Variants in ME1 observed in about 807,000 individuals in gnomAD.
ME1 encodes NADP-dependent malic enzyme.
ME1 carries 74 observed loss-of-function variants against 66.4 expected under a neutral mutation model. The observed-to-expected ratio is 1.11, with a 90% confidence interval of 0.92 to 1.35. The LOEUF is 1.35. Ranked by LOEUF, ME1 falls within the 40% of genes most tolerant of loss-of-function variation. The pLI is 0.00. For missense variants in ME1, 750 were observed against 694.1 expected, an observed-to-expected ratio of 1.08 and a Z score of -0.90; for synonymous variants, 251 against 235.6, an observed-to-expected ratio of 1.07 and a Z score of -0.60.
At chr6:83,279,005 C>G (rs527737092) in intron 6 of ME1, among the ~76,000 whole-genome samples, 7 of 152,250 alleles carry the variant, frequency 4.6e-5, no homozygotes, top group Non-Finnish European at 8.8e-5. Context: ...CCCTTCCCCC[C>G]CAACCCTATC....
intron 3 of ME1, among the ~76,000 whole-genome samples, chr6:83,376,221 C>A (rs1209852615): frequency 6.6e-6 from 1 of 151,890 alleles, no homozygotes; most frequent in Non-Finnish European, 1.5e-5. Flanking sequence ...AAAAAGAGGC[C>A]AGGGCTGAGC....
intron 6 of ME1, among the ~76,000 whole-genome samples, chr6:83,294,983 T>C (rs1767571609): frequency 6.6e-6 from 1 of 152,174 alleles, no homozygotes; most frequent in Admixed American, 6.5e-5. Context: ...CACACTGCGA[T>C]CTGCAGCCAG....
chr6:83,403,874 CCACAT>C (rs1769882716), intron 2 of ME1, among the ~76,000 whole-genome samples: 1 of 152,170 alleles, frequency 6.6e-6, no homozygotes, highest in African/African-American at 2.4e-5. Context: ...TGTATATGTG[CCACAT>C]TTCCTTCATC....
chr6:83,413,512 T>C lies in ME1; in HGVS notation c.79-5611A>G, dbSNP rs1008784068. 3.3e-5 allele frequency among the ~76,000 whole-genome samples: 5 copies of C among 152,212 alleles called. No individual in the cohort carries two copies. The South Asian group carries it at 1.0e-3, about 32-fold the overall frequency. On this transcript the variant is annotated intron_variant, in intron 1 of 13. Coordinates refer to ENST00000369705, the MANE Select transcript of ME1 (RefSeq NM_002395.6). ...TCTTCATATCAAAAAAGTTTTAGAA[T>C]TAATTTTAATGCTAATTTGGGGGAG...
At chr6:83,302,481 C>T (rs947899983) in intron 6 of ME1, among the ~76,000 whole-genome samples, 3 of 152,070 alleles carry the variant, frequency 2.0e-5, no homozygotes, top group African/African-American at 7.2e-5. Flanking sequence ...AGAAGTATCA[C>T]AGTAACAACA....
intron 3 of ME1, among the ~76,000 whole-genome samples, chr6:83,356,464 G>A (rs1768891989): frequency 6.6e-6 from 1 of 152,106 alleles, no homozygotes; most frequent in Non-Finnish European, 1.5e-5. Context: ...GGATAAAGAT[G>A]CAAATTTAGG....
chr6:83,429,900 T>A (rs933321147), intron 1 of ME1, among the ~76,000 whole-genome samples: 2 of 152,026 alleles, frequency 1.3e-5, no homozygotes, highest in African/African-American at 4.8e-5. Flanking sequence ...GACTCCTGAA[T>A]AAATAGGAAA....
At chr6:83,349,591 C>T (rs1329940489) in intron 4 of ME1, among the ~76,000 whole-genome samples, 1 of 152,174 alleles carries the variant, frequency 6.6e-6, no homozygotes, top group African/African-American at 2.4e-5. Context: ...ATTTAATTTC[C>T]CAAGGCCCAT....
At chr6:83,273,602 T>C (rs1270207930) in intron 6 of ME1, among the ~76,000 whole-genome samples, 1 of 152,150 alleles carries the variant, frequency 6.6e-6, no homozygotes, top group Non-Finnish European at 1.5e-5. Context: ...ATTTTCTACA[T>C]ACAAAAAAGA....
intron 3 of ME1, among the ~76,000 whole-genome samples, chr6:83,395,253 A>G (rs887980672): frequency 2.6e-5 from 4 of 151,656 alleles, no homozygotes; most frequent in Non-Finnish European, 5.9e-5. Flanking sequence ...ACGCTCAGCA[A>G]TTTTTGTATT....
Position 83,376,096 on chromosome 6 carries a change from AATAG to A in ME1, c.362+22267_362+22270del, listed in dbSNP as rs574898035. Reference sequence around the variant, plus strand: ...CAATTATCTTGTTTTATAATTTTTAAATAGATAAATCATTTAATTATATCTGCAT... The same window carrying A: ...CAATTATCTTGTTTTATAATTTTTAAATAAATCATTTAATTATATCTGCAT... On this transcript the variant is annotated intron_variant, in intron 3 of 13. Transcript: ENST00000369705. Among the ~76,000 whole-genome samples, 22 of 152,324 alleles carry A rather than the reference AATAG, an allele frequency of 1.4e-4. No individual in the cohort carries two copies. The South Asian group carries it at 4.4e-3, about 30-fold the overall frequency.
intron 6 of ME1, among the ~76,000 whole-genome samples, chr6:83,275,752 A>G (rs1411969130): frequency 8.1e-6 from 1 of 123,438 alleles, no homozygotes; most frequent in Non-Finnish European, 1.6e-5. Context: ...GGTGTGAGCC[A>G]CGGCGCCCGG....
At chr6:83,384,566 G>A (rs898144237) in intron 3 of ME1, among the ~76,000 whole-genome samples, 4 of 151,776 alleles carry the variant, frequency 2.6e-5, no homozygotes, top group Non-Finnish European at 5.9e-5. Context: ...CAGATGCATA[G>A]TTTGTGAATA....
rs139432494 is a variant in ME1 at position 83,330,267 on chromosome 6, C to T, written c.601-14854G>A. ...TACAGAAAATTATTTTCTTTGTTACCATTTCTCATTTTTTGTTATGGATTC... is the reference window on the plus strand; with the variant it reads ...TACAGAAAATTATTTTCTTTGTTACTATTTCTCATTTTTTGTTATGGATTC... On this transcript the variant is annotated intron_variant, in intron 5 of 13. Coordinates refer to ENST00000369705, the MANE Select transcript of ME1 (RefSeq NM_002395.6). 4.6e-5 allele frequency among the ~76,000 whole-genome samples: 7 copies of T among 152,028 alleles called. No homozygotes were observed. The East Asian group carries it at 1.3e-3, about 29-fold the overall frequency.
At chr6:83,298,851 G>T (rs1268539972) in intron 6 of ME1, among the ~76,000 whole-genome samples, 1 of 147,378 alleles carries the variant, frequency 6.8e-6, no homozygotes, top group Non-Finnish European at 1.5e-5. Context: ...GGTTTTGTCA[G>T]GCTTTTTGAA....
intron 7 of ME1, among the ~76,000 whole-genome samples, chr6:83,240,406 AG>A (rs1790490379): frequency 6.6e-6 from 1 of 152,052 alleles, no homozygotes; most frequent in Non-Finnish European, 1.5e-5. Context: ...AAATTTCTTA[AG>A]ATAAAAATTA....
intron 5 of ME1, among the ~76,000 whole-genome samples, chr6:83,323,120 C>A (rs759001549): frequency 1.3e-5 from 2 of 152,114 alleles, no homozygotes; most frequent in African/African-American, 4.8e-5. Flanking sequence ...GATTTTGTCA[C>A]CACCAGACCT....
chr6:83,310,470 T>G (rs1767909642), intron 6 of ME1, among the ~76,000 whole-genome samples: 1 of 152,152 alleles, frequency 6.6e-6, no homozygotes, highest in African/African-American at 2.4e-5. Context: ...TAAACTTCAT[T>G]TCCGAATGTG....
intron 5 of ME1, among the ~76,000 whole-genome samples, chr6:83,321,706 G>A (rs73474713): frequency 0.025 from 3,766 of 152,310 alleles, 155 homozygotes; most frequent in East Asian, 0.16. Flanking sequence ...CTGAGGCAAA[G>A]GGCAGCTGTG....
Sources: gnomAD v4.1 joint callset for allele counts (sites outside exome capture counted in the v4.1 genomes callset) on GRCh38, gnomAD v4.1.1 for gene constraint, MANE v1.5 for transcripts, NCBI Gene and HGNC (gene_info 2026-07-23, HGNC 2026-07-21) for gene names.